Variants in GPHN observed in about 807,000 individuals in gnomAD.
GPHN encodes the protein gephyrin.
GPHN carries 17 observed loss-of-function variants against 95.5 expected under a neutral mutation model. The ratio of observed to expected loss-of-function variants is 0.18; its 90% CI spans 0.12 to 0.27. The LOEUF (loss-of-function observed/expected upper bound fraction) is 0.27, where lower values mean the gene tolerates loss of function less well. Ranked by LOEUF, GPHN falls within the 10% of genes least tolerant of loss-of-function variation. The probability of loss-of-function intolerance (pLI) is 1.00; values close to 1 mark genes in which losing one functional copy is unlikely to be tolerated. For synonymous variants in GPHN, 320 were observed against 322.5 expected (o/e 0.99, Z 0.08); for missense variants, 660 against 978.1 (o/e 0.67, Z 4.34).
intron 2 of GPHN, among the ~76,000 whole-genome samples, chr14:66,740,233 A>G (rs1310506874): frequency 6.6e-6 from 1 of 152,162 alleles, no homozygotes; most frequent in East Asian, 1.9e-4. Flanking sequence ...AGAAGAAAAC[A>G]AAAGGAAAAA....
intron 11 of GPHN, among the ~76,000 whole-genome samples, chr14:67,083,341 T>C (rs977638281): frequency 6.6e-6 from 1 of 152,090 alleles, no homozygotes; most frequent in Non-Finnish European, 1.5e-5. Flanking sequence ...TGAGTTCTCT[T>C]GAGATCTGGT....
chr14:66,563,060 A>G (rs777937927), intron 1 of GPHN, among the ~76,000 whole-genome samples: 7 of 152,118 alleles, frequency 4.6e-5, no homozygotes, highest in Non-Finnish European at 8.8e-5. Flanking sequence ...TCTGCCTACA[A>G]ACTATGCATT....
At position 67,039,143 on chromosome 14, in the gene GPHN, TG is replaced by T. The variant is rs747291807; in HGVS notation, c.1006+15469del. On this transcript the variant is annotated intron_variant, in intron 10 of 22. Coordinates refer to ENST00000478722, the MANE Select transcript of GPHN (RefSeq NM_020806.5). Reference sequence around the variant, plus strand: ...TAAGCCTCCAGAATTTGTCCTGAACTGAATTGACCAGCCTTATACCTTATAT... The same window carrying T: ...TAAGCCTCCAGAATTTGTCCTGAACTAATTGACCAGCCTTATACCTTATAT... Among the ~76,000 whole-genome samples, 6 of 152,326 alleles carry T rather than the reference TG, an allele frequency of 3.9e-5. 1 individual carries two copies. The East Asian group carries it at 5.8e-4, about 15-fold the overall frequency.
chr14:66,779,511 A>G (rs974177790), intron 3 of GPHN, among the ~76,000 whole-genome samples: 1 of 152,182 alleles, frequency 6.6e-6, no homozygotes, highest in African/African-American at 2.4e-5. Context: ...TTGAATTGAA[A>G]TTATGTATTA....
chr14:67,679,190 A>T, the GPHN span, among the ~76,000 whole-genome samples: 1 of 152,144 alleles, frequency 6.6e-6, no homozygotes, highest in Non-Finnish European at 1.5e-5. Context: ...TTTAATAAGG[A>T]ACCACTCCCA....
intron 1 of GPHN, among the ~76,000 whole-genome samples, chr14:66,541,327 A>T (rs1346860314): frequency 2.0e-5 from 3 of 152,184 alleles, no homozygotes; most frequent in African/African-American, 7.2e-5. Flanking sequence ...AGAGAAAGAT[A>T]AGAAAAATGG....
chr14:66,863,459 G>GA (rs968644702), intron 4 of GPHN, among the ~76,000 whole-genome samples: 6 of 151,578 alleles, frequency 4.0e-5, no homozygotes, highest in South Asian at 2.1e-4. Context: ...CACAGAAAGA[G>GA]AAAAAAAATC....
At chr14:67,255,149 C>CAAA in the GPHN span, among the ~76,000 whole-genome samples, 4 of 138,034 alleles carry the variant, frequency 2.9e-5, no homozygotes, top group Non-Finnish European at 4.7e-5. Context: ...CTCCATCTCT[C>CAAA]AAAAAAAAAA....
At chr14:66,843,600 T>G (rs185700960) in intron 4 of GPHN, among the ~76,000 whole-genome samples, 29 of 152,378 alleles carry the variant, frequency 1.9e-4, no homozygotes, top group Middle Eastern at 6.8e-3. Flanking sequence ...CTTTACAGTT[T>G]GCTGCATTTA....
chr14:67,171,086 C>A (rs1016413024), intron 21 of GPHN, among the ~76,000 whole-genome samples: 1 of 152,048 alleles, frequency 6.6e-6, no homozygotes, highest in Non-Finnish European at 1.5e-5. Context: ...CAGTGGCACT[C>A]GCCTGTAATC....
At chr14:66,638,899 A>G (rs72726440) in intron 1 of GPHN, among the ~76,000 whole-genome samples, 8,809 of 152,182 alleles carry the variant, frequency 0.058, 353 homozygotes, top group Middle Eastern at 0.099. Flanking sequence ...TCTTCAGACA[A>G]CTATCAATGT....
intron 4 of GPHN, among the ~76,000 whole-genome samples, chr14:66,837,532 C>T (rs1385640163): frequency 6.7e-6 from 1 of 149,496 alleles, no homozygotes; most frequent in African/African-American, 2.5e-5. Flanking sequence ...CAGCATGGCA[C>T]ATGTATACGT....
chr14:67,210,841 T>G, the GPHN span, among the ~76,000 whole-genome samples: 8 of 151,956 alleles, frequency 5.3e-5, no homozygotes. Flanking sequence ...GGTGAAACCC[T>G]GTCTCTACAA....
chr14:67,347,342 T>C, the GPHN span: 1 of 1,294,778 alleles, frequency 7.7e-7, no homozygotes. Context: ...TTCCAGAACT[T>C]AGTTCATTTA....
intron 1 of GPHN, among the ~76,000 whole-genome samples, chr14:66,603,318 T>G (rs975244504): frequency 2.0e-5 from 3 of 151,970 alleles, no homozygotes; most frequent in East Asian, 1.9e-4. Context: ...CAGGGTTTTT[T>G]TGTGTGTGTG....
At chr14:66,900,446 T>C (rs1282156247) in intron 5 of GPHN, among the ~76,000 whole-genome samples, 1 of 149,260 alleles carries the variant, frequency 6.7e-6, no homozygotes, top group African/African-American at 2.5e-5. Flanking sequence ...TTTTTGAGAT[T>C]TTTTTCTTTT....
At chr14:67,554,421 G>A in the GPHN span, among the ~76,000 whole-genome samples, 1 of 152,188 alleles carries the variant, frequency 6.6e-6, no homozygotes, top group Non-Finnish European at 1.5e-5. Context: ...GGAAGTGAGG[G>A]GCACTGGGCC....
At chr14:66,801,694 C>T (rs1046789451) in intron 3 of GPHN, among the ~76,000 whole-genome samples, 16 of 147,202 alleles carry the variant, frequency 1.1e-4, no homozygotes, top group African/African-American at 4.0e-4. Flanking sequence ...ACCCTTGTGG[C>T]CACCATCTCT....
chr14:67,733,915 G>C, the GPHN span: 2 of 1,203,154 alleles, frequency 1.7e-6, no homozygotes, highest in Non-Finnish European at 1.2e-6. Flanking sequence ...CAAGGAGAAG[G>C]CCAACCCTAA....
Sources: allele counts gnomAD v4.1 joint callset (sites outside exome capture counted in the v4.1 genomes callset), GRCh38; gene constraint gnomAD v4.1.1; transcripts MANE v1.5; gene names NCBI Gene and HGNC (gene_info 2026-07-23, HGNC 2026-07-21).